Variants in FOXP2 observed in about 807,000 individuals in gnomAD.
FOXP2 encodes the protein forkhead box protein P2.
In FOXP2, 12 loss-of-function variants were observed where a neutral mutation model predicts 115.8. The ratio of observed to expected loss-of-function variants is 0.10; its 90% CI spans 0.07 to 0.17. FOXP2 has a LOEUF of 0.17. Among genes scored for constraint, FOXP2 ranks in the 10% least tolerant of loss-of-function variants. The pLI is 1.00. For missense variants in FOXP2, 629 were observed against 843.5 expected (o/e 0.75, Z 3.15); for synonymous variants, 328 against 297.7 (o/e 1.10, Z -1.05).
intron 1 of FOXP2, among the ~76,000 whole-genome samples, chr7:114,094,191 C>T: frequency 6.6e-6 from 1 of 151,956 alleles, no homozygotes; most frequent in African/African-American, 2.4e-5. Context: ...TTAAACAGAC[C>T]AGATTAAAGA....
intron 5 of FOXP2, among the ~76,000 whole-genome samples, chr7:114,630,251 A>G (rs1389875041): frequency 6.6e-6 from 1 of 152,166 alleles, no homozygotes; most frequent in Non-Finnish European, 1.5e-5. Context: ...CAGTACAAAG[A>G]GCAAGCTGTG....
At position 114,339,201 on chromosome 7, in the gene FOXP2, T is replaced by C. The variant is rs1047961783; in HGVS notation, c.-11+51092T>C. Among the ~76,000 whole-genome samples the C allele has an allele frequency of 6.6e-5, 10 of 151,198 alleles. 1 individual carries two copies. Among genetic ancestry groups the C allele is most frequent in the South Asian group, 6.2e-4 (3 of 4,832 alleles). ...GTGGCTCAGTTCTGTTTTATGAATG[T>C]TGTGGTATTTCAGTTGTTTGAAGTT... On this transcript the variant is annotated intron_variant, in intron 2 of 17. Transcript: ENST00000634411.
intron 3 of FOXP2, among the ~76,000 whole-genome samples, chr7:114,610,303 G>A (rs1345593882): frequency 6.6e-6 from 1 of 152,034 alleles, no homozygotes; most frequent in Non-Finnish European, 1.5e-5. Context: ...GCTTTGAATG[G>A]TAAAACTGAT....
intron 2 of FOXP2, among the ~76,000 whole-genome samples, chr7:114,397,012 A>G (rs1792761674): frequency 6.6e-6 from 1 of 152,100 alleles, no homozygotes; most frequent in African/African-American, 2.4e-5. Context: ...AATTAGCCTG[A>G]AAATAACTAT....
chr7:114,090,636 G>C (rs2129138971), intron 1 of FOXP2, among the ~76,000 whole-genome samples: 1 of 151,868 alleles, frequency 6.6e-6, no homozygotes, highest in East Asian at 1.9e-4. Context: ...CAGTGCTCAT[G>C]GTCTGCAAAT....
chr7:114,430,902 A>G (rs1341719004), intron 2 of FOXP2, among the ~76,000 whole-genome samples: 1 of 152,016 alleles, frequency 6.6e-6, no homozygotes, highest in African/African-American at 2.4e-5. Flanking sequence ...TACTCATGTA[A>G]AAGATCCACA....
chr7:114,183,039 G>C (rs1406862547), intron 1 of FOXP2, among the ~76,000 whole-genome samples: 1 of 152,088 alleles, frequency 6.6e-6, no homozygotes, highest in African/African-American at 2.4e-5. Flanking sequence ...AGCAGTTGTT[G>C]GTTGCCTGCA....
intron 1 of FOXP2, among the ~76,000 whole-genome samples, chr7:114,092,336 A>G (rs1451210962): frequency 6.6e-6 from 1 of 151,970 alleles, no homozygotes; most frequent in Non-Finnish European, 1.5e-5. Flanking sequence ...TTTTTAGCAG[A>G]TTAAGGAAAT....
intron 1 of FOXP2, among the ~76,000 whole-genome samples, chr7:114,422,226 A>T (rs542755434): frequency 6.6e-6 from 1 of 151,894 alleles, no homozygotes; most frequent in South Asian, 2.1e-4. Flanking sequence ...TTAGACATAA[A>T]GTGTCTTTCA....
chr7:114,148,366 A>C (rs1792436330), intron 1 of FOXP2, among the ~76,000 whole-genome samples: 2 of 151,856 alleles, frequency 1.3e-5, no homozygotes, highest in African/African-American at 4.8e-5. Flanking sequence ...CTTTTTCCTT[A>C]ATTTCTGTAA....
chr7:114,662,294 C>T (rs1169956412), intron 14 of FOXP2, 108 bp downstream of exon 14: 6 of 1,460,956 alleles, frequency 4.1e-6, no homozygotes, highest in Non-Finnish European at 5.7e-6. Flanking sequence ...GGCATGCTAA[C>T]ATTCTCGTGG....
intron 2 of FOXP2, among the ~76,000 whole-genome samples, chr7:114,324,288 A>G (rs948274658): frequency 3.9e-5 from 6 of 151,960 alleles, no homozygotes; most frequent in African/African-American, 1.4e-4. Context: ...AATAAATGCC[A>G]TAAGAATTTC....
chr7:114,179,449 ATT>A, intron 1 of FOXP2, among the ~76,000 whole-genome samples: 1 of 151,890 alleles, frequency 6.6e-6, no homozygotes, highest in Non-Finnish European at 1.5e-5. Flanking sequence ...TCCACTCAGT[ATT>A]TTGTTTACTC....
intron 2 of FOXP2, among the ~76,000 whole-genome samples, chr7:114,406,252 C>T (rs1168385171): frequency 6.6e-6 from 1 of 151,824 alleles, no homozygotes; most frequent in Non-Finnish European, 1.5e-5. Flanking sequence ...GTTTTCTGTG[C>T]TAGAAAAAAA....
At chr7:114,136,539 T>C (rs1311302105) in intron 1 of FOXP2, among the ~76,000 whole-genome samples, 4 of 151,954 alleles carry the variant, frequency 2.6e-5, no homozygotes, top group Non-Finnish European at 5.9e-5. Flanking sequence ...TAATAAAAAG[T>C]TTTCAAGATT....
chr7:114,332,104 G>A (rs1336138250), intron 2 of FOXP2, among the ~76,000 whole-genome samples: 1 of 151,930 alleles, frequency 6.6e-6, no homozygotes, highest in African/African-American at 2.4e-5. Context: ...CTGTGTGTGG[G>A]CATATGAACG....
upstream of FOXP2, chr7:114,086,566 G>T (rs761497113): frequency 2.4e-6 from 1 of 411,558 alleles, no homozygotes; most frequent in Admixed American, 2.8e-5. Flanking sequence ...CCTCGCCGCC[G>T]CGGGTGCCAC....
chr7:114,539,512 G>A (rs1799554873), intron 3 of FOXP2, among the ~76,000 whole-genome samples: 1 of 151,754 alleles, frequency 6.6e-6, no homozygotes, highest in African/African-American at 2.4e-5. Flanking sequence ...TATATTTTCT[G>A]TGTATTGAAA....
intron 2 of FOXP2, among the ~76,000 whole-genome samples, chr7:114,364,784 A>C (rs1276944717): frequency 6.6e-6 from 1 of 152,168 alleles, no homozygotes. Context: ...ATCAGTCTGT[A>C]CTGAATATTA....
Sources: gnomAD v4.1 joint callset for allele counts (sites outside exome capture counted in the v4.1 genomes callset) on GRCh38, gnomAD v4.1.1 for gene constraint, MANE v1.5 for transcripts, NCBI Gene and HGNC (gene_info 2026-07-23, HGNC 2026-07-21) for gene names.